The following TPTE2 variants were observed in gnomAD, a reference collection of about 807,000 sequenced individuals.
TPTE2 encodes transmembrane phosphoinositide 3-phosphatase and tensin homolog 2.
In TPTE2, 53 loss-of-function variants were observed where a neutral mutation model predicts 78.6. That is an observed-to-expected ratio of 0.67 (90% CI 0.54 to 0.85). The LOEUF (loss-of-function observed/expected upper bound fraction) is 0.85, where lower values mean the gene tolerates loss of function less well. TPTE2 is among the 40% of genes least tolerant of loss of function. The pLI is 0.00. For synonymous variants in TPTE2, 175 were observed against 206.2 expected (o/e 0.85, Z 1.30); for missense variants, 461 against 623.0 (o/e 0.74, Z 2.77).
upstream of TPTE2, among the ~76,000 whole-genome samples, chr13:19,537,641 C>T (rs541110645): frequency 1.6e-4 from 24 of 151,400 alleles, no homozygotes; most frequent in African/African-American, 4.8e-4. Context: ...CTCACTCTGT[C>T]GCCAAGGCTG....
intron 18 of TPTE2, chr13:19,426,216 A>C: frequency 2.0e-6 from 1 of 495,008 alleles, no homozygotes; most frequent in Non-Finnish European, 3.6e-6. Context: ...AAATTTAGAA[A>C]AATTTAGAAA....
chr13:19,481,372 T>G (rs1880345514), intron 4 of TPTE2, among the ~76,000 whole-genome samples: 2 of 152,172 alleles, frequency 1.3e-5, no homozygotes, highest in Non-Finnish European at 1.5e-5. Flanking sequence ...AGTTTACATT[T>G]GAATAATCTG....
intron 13 of TPTE2, among the ~76,000 whole-genome samples, chr13:19,449,277 G>A (rs1223987062): frequency 2.6e-5 from 4 of 152,052 alleles, no homozygotes; most frequent in African/African-American, 7.2e-5. Context: ...AGGTTCAAGC[G>A]ATTCTTCTGC....
At chr13:19,474,321 A>G (rs970472936) in intron 5 of TPTE2, among the ~76,000 whole-genome samples, 1 of 152,180 alleles carries the variant, frequency 6.6e-6, no homozygotes, top group African/African-American at 2.4e-5. Flanking sequence ...ACTTCACAAG[A>G]TATCATGGCC....
At chr13:19,546,086 G>C in the TPTE2 span, among the ~76,000 whole-genome samples, 1 of 152,096 alleles carries the variant, frequency 6.6e-6, no homozygotes, top group Non-Finnish European at 1.5e-5. Flanking sequence ...CTTAGTACCT[G>C]GGAGGCTGGG....
Position 19,479,748 on chromosome 13 carries a change from G to A in TPTE2, c.179+2740C>T, listed in dbSNP as rs1442264355. On this transcript the variant is annotated intron_variant, in intron 4 of 19. Coordinates refer to ENST00000400230, the Ensembl canonical transcript of TPTE2. ...GGTGGCCAAGGTGGGCGGATCATGA[G>A]GTCAAGAGATTGAGACCATCCTGGC... Among the ~76,000 whole-genome samples the A allele has an allele frequency of 2.0e-5, 3 of 152,202 alleles. No individual in the cohort carries two copies. The East Asian group carries it at 5.8e-4, about 29-fold the overall frequency.
chr13:19,439,173 G>A (rs953188504), intron 13 of TPTE2, among the ~76,000 whole-genome samples: 5 of 152,120 alleles, frequency 3.3e-5, no homozygotes, highest in African/African-American at 1.2e-4. Flanking sequence ...TGTGTACTCA[G>A]GAAATCAGCC....
upstream of TPTE2, among the ~76,000 whole-genome samples, chr13:19,507,114 T>A (rs1869112028): frequency 6.6e-6 from 1 of 152,106 alleles, no homozygotes; most frequent in East Asian, 1.9e-4. Flanking sequence ...TGCTGATGAC[T>A]CCATTATAGG....
chr13:19,441,316 C>T (rs1222003394), intron 13 of TPTE2, among the ~76,000 whole-genome samples: 1 of 151,950 alleles, frequency 6.6e-6, no homozygotes, highest in Non-Finnish European at 1.5e-5. Context: ...CTATTGGGTC[C>T]TGTGCTCAGT....
the TPTE2 span, among the ~76,000 whole-genome samples, chr13:19,554,406 A>AT: frequency 6.9e-6 from 1 of 145,620 alleles, no homozygotes; most frequent in Non-Finnish European, 1.5e-5. Context: ...ATAAATATAA[A>AT]AAATAAAATA....
intron 10 of TPTE2, among the ~76,000 whole-genome samples, chr13:19,464,083 G>A (rs1350539679): frequency 6.6e-6 from 1 of 152,176 alleles, no homozygotes; most frequent in Non-Finnish European, 1.5e-5. Context: ...GGCTCTGTCA[G>A]TTGAGGGTAG....
upstream of TPTE2, among the ~76,000 whole-genome samples, chr13:19,541,682 C>A (rs1273402584): frequency 1.3e-5 from 2 of 152,082 alleles, no homozygotes; most frequent in Non-Finnish European, 2.9e-5. Context: ...GTTTACCAAA[C>A]TTTTTTTTCT....
intron 4 of TPTE2, among the ~76,000 whole-genome samples, chr13:19,481,356 A>G (rs1798749155): frequency 1.3e-5 from 2 of 152,214 alleles, no homozygotes; most frequent in Non-Finnish European, 2.9e-5. Flanking sequence ...AGATTGCATC[A>G]TAGCCAGTTT....
Position 19,424,967 on chromosome 13 carries a change from C to CGT in TPTE2, c.1444_1445dup (p.Ser483ArgfsTer45), listed in dbSNP as rs780012996. ...CATACCTGTTATTTTGAATAAAAGA[C>CGT]GTGTTGAACCAGAAGAAAAATGGAC... is the stretch of plus-strand genomic sequence containing the variant. On this transcript the variant is annotated frameshift_variant, in exon 19 of 20. Coordinates refer to ENST00000400230, the Ensembl canonical transcript of TPTE2. LOFTEE classifies it low-confidence loss of function (END_TRUNC). 1 of 1,526,346 alleles carries CGT rather than the reference C, an allele frequency of 6.6e-7. No homozygotes were observed. The highest frequency in any genetic ancestry group is 2.3e-5 in the East Asian group (1 of 42,742). The allele number at this position is 1,526,346 out of a possible 1,614,324, so 94.6% of individuals were successfully genotyped here. A position where few individuals can be genotyped will look rare whatever the true frequency, so the allele number is the denominator to read the frequency against.
At chr13:19,497,185 T>C (rs574871474) in intron 1 of TPTE2, among the ~76,000 whole-genome samples, 4 of 151,178 alleles carry the variant, frequency 2.6e-5, no homozygotes, top group African/African-American at 9.7e-5. Context: ...AGCACAGCAG[T>C]CTGAGATCAA....
At chr13:19,507,781 A>C (rs541474309), upstream of TPTE2, among the ~76,000 whole-genome samples, 1 of 152,336 alleles carries the variant, frequency 6.6e-6, no homozygotes, top group South Asian at 2.1e-4. Flanking sequence ...AAATAAGACG[A>C]AACATCCAGC....
chr13:19,479,484 A>C (rs1880191506), intron 4 of TPTE2, among the ~76,000 whole-genome samples: 1 of 152,178 alleles, frequency 6.6e-6, no homozygotes, highest in African/African-American at 2.4e-5. Flanking sequence ...AATATAGACA[A>C]ATTTACAAAG....
chr13:19,494,503 G>A (rs1593395928), intron 1 of TPTE2, among the ~76,000 whole-genome samples: 1 of 152,226 alleles, frequency 6.6e-6, no homozygotes, highest in South Asian at 2.1e-4. Flanking sequence ...CACTTCCCAA[G>A]GTTCAATCGA....
intron 4 of TPTE2, among the ~76,000 whole-genome samples, chr13:19,476,705 CA>C (rs1369126950): frequency 6.6e-6 from 1 of 152,058 alleles, no homozygotes; most frequent in East Asian, 1.9e-4. Flanking sequence ...ACTAAAAAGT[CA>C]AAAAATAACA....
Sources: allele counts gnomAD v4.1 joint callset (sites outside exome capture counted in the v4.1 genomes callset), GRCh38; gene constraint gnomAD v4.1.1; transcripts MANE v1.5; gene names NCBI Gene and HGNC (gene_info 2026-07-23, HGNC 2026-07-21).